Variants in SWT1 observed in about 807,000 individuals in gnomAD.
SWT1 encodes the protein SWT1 RNA endoribonuclease homolog, also known as transcriptional protein SWT1.
SWT1 carries 33 observed loss-of-function variants against 107.3 expected under a neutral mutation model. That is an observed-to-expected ratio of 0.31 (90% CI 0.23 to 0.41). SWT1 has a LOEUF of 0.41. SWT1 is among the 10% of genes least tolerant of loss of function. SWT1 has a pLI of 1.00. For synonymous variants in SWT1, 345 were observed against 348.3 expected (o/e 0.99, Z 0.11); for missense variants, 898 against 1,028.9 (o/e 0.87, Z 1.74).
chr1:185,261,389 T>C (rs1663006182), intron 16 of SWT1, among the ~76,000 whole-genome samples: 1 of 152,312 alleles, frequency 6.6e-6, no homozygotes, highest in African/African-American at 2.4e-5. Flanking sequence ...ACCACATTTT[T>C]CCCCATTCAT....
chr1:185,171,499 T>C (rs1251059676), intron 4 of SWT1: 9 of 314,640 alleles, frequency 2.9e-5, no homozygotes, highest in Non-Finnish European at 5.6e-5. Flanking sequence ...TCGGAAGTCA[T>C]GGTGATCTTG....
intron 9 of SWT1, among the ~76,000 whole-genome samples, chr1:185,185,391 A>C (rs1279895900): frequency 6.6e-6 from 1 of 152,024 alleles, no homozygotes; most frequent in Non-Finnish European, 1.5e-5. Flanking sequence ...CCCTCATTTA[A>C]TTTTTTTCAA....
chr1:185,278,677 G>A (rs867340485), intron 18 of SWT1, among the ~76,000 whole-genome samples: 55 of 152,184 alleles, frequency 3.6e-4, no homozygotes, highest in African/African-American at 1.3e-3. Flanking sequence ...AACACGACAT[G>A]TGCATTCGTA....
rs1226455227 is a variant in SWT1, at chr1:185,174,462, A to C, written c.315A>C (p.Ser105=). Residue 105 remains serine (S), a synonymous_variant, in exon 5 of 19, where the codon TCA becomes TCC. Coordinates refer to ENST00000367500, the MANE Select transcript of SWT1 (RefSeq NM_017673.7). ...RPIKLKEASY[S]NDNQIILQSP... Reference sequence around the variant, plus strand: ...TTAAACTCAAAGAAGCATCATATTCAAATGATAATCAAATTATTTTGCAGA... The same window carrying C: ...TTAAACTCAAAGAAGCATCATATTCCAATGATAATCAAATTATTTTGCAGA... 6.2e-7 allele frequency: 1 copy of C among 1,610,198 alleles called. No individual in the cohort carries two copies. The highest frequency in any genetic ancestry group is 1.3e-5 in the African/African-American group (1 of 74,712).
intron 7 of SWT1, among the ~76,000 whole-genome samples, chr1:185,183,449 C>T (rs1277858040): frequency 1.3e-5 from 2 of 151,938 alleles, no homozygotes; most frequent in South Asian, 2.1e-4. Context: ...TGCCACCATG[C>T]CTGGCTAATT....
chr1:185,220,141 A>C (rs1202524365), intron 14 of SWT1, among the ~76,000 whole-genome samples: 46 of 58,142 alleles, frequency 7.9e-4, no homozygotes, highest in African/African-American at 5.2e-3. Flanking sequence ...CCTGTCTCAA[A>C]AAAAAAAAAA....
At chr1:185,175,522 A>T (rs10047141) in intron 5 of SWT1, among the ~76,000 whole-genome samples, 2 of 152,074 alleles carry the variant, frequency 1.3e-5, no homozygotes, top group African/African-American at 4.8e-5. Context: ...GCCACTGCAC[A>T]TGGCCTTTTT....
chr1:185,251,271 C>G (rs1254266060), intron 16 of SWT1: 1 of 152,426 alleles, frequency 6.6e-6, no homozygotes, highest in African/African-American at 2.4e-5. Context: ...TTTTATAAAG[C>G]TACATCAATT....
At chr1:185,191,623 A>T (rs1656955650) in intron 10 of SWT1, among the ~76,000 whole-genome samples, 1 of 152,142 alleles carries the variant, frequency 6.6e-6, no homozygotes. Context: ...GAAATATTGG[A>T]GCTTTCTATC....
intron 16 of SWT1, among the ~76,000 whole-genome samples, chr1:185,232,549 G>T (rs1219721783): frequency 6.6e-6 from 1 of 152,126 alleles, no homozygotes; most frequent in Non-Finnish European, 1.5e-5. Flanking sequence ...GCAATCAAAA[G>T]GTATTAGTAT....
chr1:185,176,286 CAAAAAAAAAAAAAA>C (rs71101962), intron 5 of SWT1, among the ~76,000 whole-genome samples: 1 of 47,298 alleles, frequency 2.1e-5, no homozygotes, highest in African/African-American at 1.0e-4. Context: ...ACCTTGTCTC[CAAAAAAAAAAAAAA>C]AAAAAAAAAA....
chr1:185,216,333 G>A (rs2102506925), intron 14 of SWT1, among the ~76,000 whole-genome samples: 1 of 152,238 alleles, frequency 6.6e-6, no homozygotes, highest in Non-Finnish European at 1.5e-5. Context: ...CATGAGTATT[G>A]TACCTTGATT....
chr1:185,203,461 A>G (rs1658051049), intron 11 of SWT1, among the ~76,000 whole-genome samples: 1 of 152,028 alleles, frequency 6.6e-6, no homozygotes. Context: ...TGTACTAAAA[A>G]TACGAAAAAA....
chr1:185,187,778 G>A (rs534709356), intron 9 of SWT1, among the ~76,000 whole-genome samples: 17 of 152,002 alleles, frequency 1.1e-4, no homozygotes, highest in African/African-American at 2.7e-4. Context: ...TCCGCCTCCC[G>A]GCCTCAAGTG....
At position 185,243,547 on chromosome 1, in the gene SWT1, T is replaced by G. The variant is rs75208186; in HGVS notation, c.2441+11839T>G. On this transcript the variant is annotated intron_variant, in intron 16 of 18. Transcript: ENST00000367500. Reference sequence around the variant, plus strand: ...GGGTGTTTTCCAATAGTAAGAAAAGTTTGATTTTAACTCAGGACAGTGTTT... The same window carrying G: ...GGGTGTTTTCCAATAGTAAGAAAAGGTTGATTTTAACTCAGGACAGTGTTT... Among the ~76,000 whole-genome samples, 842 of 152,326 alleles carry G rather than the reference T, an allele frequency of 5.5e-3. 34 individuals carry two copies. In the East Asian group the frequency reaches 0.093, roughly 17 times the overall value.
intron 15 of SWT1, among the ~76,000 whole-genome samples, chr1:185,227,926 C>CA (rs1332093886): frequency 6.6e-6 from 1 of 150,432 alleles, no homozygotes; most frequent in Non-Finnish European, 1.5e-5. Context: ...TTTGTCTCTA[C>CA]AAAAAAAATT....
rs142768158 is a variant in SWT1 at position 185,199,625 on chromosome 1, C to A, written c.1524-3029C>A. 5.9e-3 allele frequency among the ~76,000 whole-genome samples: 897 copies of A among 152,284 alleles called. 32 individuals carry two copies. In the East Asian group the frequency reaches 0.096, roughly 16 times the overall value. ...TGCTGAGAGATCTGCTGTTAGTCTG[C>A]TGGGCTTCCCTTTGTGGGTAACCCG... On this transcript the variant is annotated intron_variant, in intron 10 of 18. Transcript: ENST00000367500.
intron 1 of SWT1, among the ~76,000 whole-genome samples, chr1:185,159,097 A>G (rs1049143567): frequency 3.9e-5 from 6 of 152,178 alleles, no homozygotes; most frequent in Admixed American, 6.5e-5. Context: ...TGAGCAGTCC[A>G]AGACAGAACA....
intron 16 of SWT1, among the ~76,000 whole-genome samples, chr1:185,245,228 A>G (rs1030975389): frequency 2.6e-4 from 40 of 152,132 alleles, no homozygotes; most frequent in African/African-American, 8.7e-4. Flanking sequence ...TTCTTTTTAT[A>G]ACAATTTTTA....
Sources: gnomAD v4.1 joint callset for allele counts (sites outside exome capture counted in the v4.1 genomes callset) on GRCh38, gnomAD v4.1.1 for gene constraint, MANE v1.5 for transcripts, NCBI Gene and HGNC (gene_info 2026-07-23, HGNC 2026-07-21) for gene names.